The following ESR2 variants were observed in gnomAD, a reference collection of about 807,000 sequenced individuals.
ESR2 encodes the protein estrogen receptor 2, also known as estrogen receptor beta.
Under a neutral mutation model 49.6 loss-of-function variants are expected in ESR2, and 36 were observed. The ratio of observed to expected loss-of-function variants is 0.73; its 90% confidence interval spans 0.56 to 0.96. The LOEUF is 0.96. ESR2 is among the 40% of genes least tolerant of loss of function. The probability of loss-of-function intolerance (pLI) is 0.00; values close to 1 mark genes in which losing one functional copy is unlikely to be tolerated. For synonymous variants in ESR2, 320 were observed against 266.1 expected (o/e 1.20, Z -1.97); for missense variants, 714 against 693.0 (o/e 1.03, Z -0.34).
chr14:64,278,961 C>T (rs1221188698), intron 3 of ESR2, among the ~76,000 whole-genome samples: 1 of 152,154 alleles, frequency 6.6e-6, no homozygotes, highest in East Asian at 1.9e-4. Context: ...ATAGAACAGA[C>T]CCTTTAAGAC....
chr14:64,332,496 C>T (rs1209637110), intron 1 of ESR2, among the ~76,000 whole-genome samples: 2 of 152,098 alleles, frequency 1.3e-5, no homozygotes, highest in African/African-American at 4.8e-5. Context: ...CATCTTTTCT[C>T]CTGCTATCAA....
Position 64,288,101 on chromosome 14 carries a change from C to CCT in ESR2, c.-90-5028_-90-5027dup, listed in dbSNP as rs148648384. ...ACAGGCTTTGTTTTCTGTCCAGAGA[C>CCT]CTCTCTCTCTCTCCCAGCACACACC... On this transcript the variant is annotated intron_variant, in intron 1 of 8. Coordinates refer to ENST00000341099, the MANE Select transcript of ESR2 (RefSeq NM_001437.3). 2.9e-4 allele frequency among the ~76,000 whole-genome samples: 44 copies of CCT among 151,872 alleles called. 1 individual carries two copies. The East Asian group carries it at 7.6e-3, about 26-fold the overall frequency.
chr14:64,261,895 G>C (rs993629315), intron 4 of ESR2, among the ~76,000 whole-genome samples: 2 of 152,034 alleles, frequency 1.3e-5, no homozygotes, highest in African/African-American at 2.4e-5. Context: ...GGGACTACAG[G>C]AATATGCCAC....
intron 1 of ESR2, among the ~76,000 whole-genome samples, chr14:64,324,342 TA>T (rs1216727264): frequency 6.6e-6 from 1 of 152,190 alleles, no homozygotes; most frequent in South Asian, 2.1e-4. Context: ...TTGATAAAAT[TA>T]GAAGCATAAC....
intron 1 of ESR2, among the ~76,000 whole-genome samples, chr14:64,290,322 C>A (rs761250340): frequency 6.6e-6 from 1 of 152,134 alleles, no homozygotes; most frequent in African/African-American, 2.4e-5. Flanking sequence ...CCTCCCACCT[C>A]GGCCTCCCAA....
intron 2 of ESR2, 120 bp from the exon 3 acceptor site, chr14:64,280,273 G>C: frequency 1.4e-6 from 1 of 733,634 alleles, no homozygotes; most frequent in Non-Finnish European, 2.3e-6. Context: ...AGGGTTCCTG[G>C]TAAATATATT....
chr14:64,278,167 C>G (rs1222041190), intron 3 of ESR2, among the ~76,000 whole-genome samples: 1 of 152,172 alleles, frequency 6.6e-6, no homozygotes, highest in Admixed American at 6.5e-5. Context: ...GCCTTATAAT[C>G]TACTGTTAAG....
In ESR2 at chr14:64,307,558, A is replaced by G. The variant is rs757899805; in HGVS notation, c.-90-24483T>C. Among the ~76,000 whole-genome samples the G allele has an allele frequency of 4.0e-5, 6 of 151,196 alleles. No individual in the cohort carries two copies. In the East Asian group the frequency reaches 1.2e-3, roughly 29 times the overall value. ...GTTTTGTTTTGTTTATTTTTGAGACAGAGTCTCATTCTGTCGCCCAGGCTG... is the reference window on the plus strand; with the variant it reads ...GTTTTGTTTTGTTTATTTTTGAGACGGAGTCTCATTCTGTCGCCCAGGCTG... On this transcript the variant is annotated intron_variant, in intron 1 of 8. Coordinates refer to the ESR2 transcript ENST00000358599.
chr14:64,273,392 T>A (rs1006013707), intron 3 of ESR2, among the ~76,000 whole-genome samples: 1 of 152,226 alleles, frequency 6.6e-6, no homozygotes, highest in Non-Finnish European at 1.5e-5. Flanking sequence ...ATGTTCCATA[T>A]AGAGGAAAGG....
chr14:64,232,760 G>A lies in ESR2; in HGVS notation c.*377C>T, dbSNP rs1013594334. The A allele has an allele frequency of 1.1e-4, 20 of 183,200 alleles. No individual in the cohort carries two copies. Among genetic ancestry groups the A allele is most frequent in the Admixed American group, 7.7e-4 (14 of 18,154 alleles). 11.3% of individuals were successfully genotyped at this position (183,200 alleles called of 1,614,324 possible). A position where few individuals can be genotyped will look rare whatever the true frequency, so the allele number is the denominator to read the frequency against. Reference sequence around the variant, plus strand: ...GAAGGGTTAGCCCACTTCTGTAAGCGTGTCACTTCCTCTCCCCTTTCTGAT... The same window carrying A: ...GAAGGGTTAGCCCACTTCTGTAAGCATGTCACTTCCTCTCCCCTTTCTGAT... On this transcript the variant is annotated 3_prime_UTR_variant, in exon 9 of 9. Coordinates refer to ENST00000341099, the MANE Select transcript of ESR2 (RefSeq NM_001437.3).
At chr14:64,292,768 C>A (rs935672932) in intron 1 of ESR2, among the ~76,000 whole-genome samples, 2 of 152,070 alleles carry the variant, frequency 1.3e-5, no homozygotes, top group South Asian at 2.1e-4. Flanking sequence ...ATATCAATAT[C>A]TATTAAATGT....
chr14:64,268,858 G>A lies in ESR2; in HGVS notation c.589C>T (p.Arg197Trp), dbSNP rs760053106. 13 of 1,613,608 alleles carry A rather than the reference G, an allele frequency of 8.1e-6. No homozygotes were observed. The highest frequency in any genetic ancestry group is 4.5e-5 in the East Asian group (2 of 44,874). The change falls in exon 4 of 9, where the codon CGG (arginine) becomes TGG (tryptophan). Residue 197 changes from arginine to tryptophan, a missense_variant. By Grantham distance (101) the Arg-to-Trp change is moderately radical (BLOSUM62 -3). Transcript: ENST00000341099. ...CGGCAGGCCTGGCAGCTCTTGCGCC[G>A]GTTTTTATCGATTGTACACTGATTT... is the stretch of plus-strand genomic sequence containing the variant. ...ATNQCTIDKNRRKSCQACRLR... is the reference protein window; with the variant it reads ...ATNQCTIDKNWRKSCQACRLR...
intron 3 of ESR2, among the ~76,000 whole-genome samples, chr14:64,276,652 A>G (rs563958700): frequency 1.1e-4 from 17 of 152,368 alleles, no homozygotes; most frequent in Non-Finnish European, 2.1e-4. Flanking sequence ...AACTTCATGA[A>G]CAAATAAAGT....
intron 6 of ESR2, among the ~76,000 whole-genome samples, chr14:64,256,748 A>C (rs4902271): frequency 1.3e-5 from 2 of 152,032 alleles, no homozygotes; most frequent in African/African-American, 2.4e-5. Context: ...ACAAAAAACA[A>C]AACAAAACAA....
chr14:64,229,293 G>A lies in ESR2; in HGVS notation c.*3844C>T, dbSNP rs1160828205. 6.6e-6 allele frequency among the ~76,000 whole-genome samples: 1 copy of A among 152,098 alleles called. No individual in the cohort carries two copies. The highest frequency in any genetic ancestry group is 1.5e-5 in the Non-Finnish European group (1 of 68,024). On this transcript the variant is annotated 3_prime_UTR_variant, in exon 9 of 9. Transcript: ENST00000341099. ...TCAGCTCACAAAGCAGATTCTCACA[G>A]AAGCAAGTCCTGGGGCAGGAGCAAT...
chr14:64,316,300 A>G (rs28862689), intron 1 of ESR2, among the ~76,000 whole-genome samples: 24,143 of 151,802 alleles, frequency 0.16, 2,579 homozygotes, highest in African/African-American at 0.29. Flanking sequence ...CATGAGCCAC[A>G]GTGCCCAGCC....
chr14:64,319,939 C>A (rs2077305744), intron 1 of ESR2, among the ~76,000 whole-genome samples: 1 of 152,120 alleles, frequency 6.6e-6, no homozygotes, highest in African/African-American at 2.4e-5. Flanking sequence ...GGTTTTTACC[C>A]AGGTGAAGTG....
intron 7 of ESR2, among the ~76,000 whole-genome samples, chr14:64,241,125 C>G (rs1473130540): frequency 3.2e-5 from 4 of 126,360 alleles, no homozygotes; most frequent in Admixed American, 9.4e-5. Flanking sequence ...CCGCCTGGGC[C>G]ACAGAGCGAG....
At chr14:64,293,692 A>C (rs1004907108) in intron 1 of ESR2, among the ~76,000 whole-genome samples, 1 of 152,224 alleles carries the variant, frequency 6.6e-6, no homozygotes, top group Admixed American at 6.5e-5. Context: ...CAGGCCCTCA[A>C]AGTTCAATCA....
Sources: allele counts gnomAD v4.1 joint callset (sites outside exome capture counted in the v4.1 genomes callset), GRCh38; gene constraint gnomAD v4.1.1; transcripts MANE v1.5; gene names NCBI Gene and HGNC (gene_info 2026-07-23, HGNC 2026-07-21).